Variants in DNM3 observed in about 807,000 individuals in gnomAD.
DNM3 encodes the protein dynamin 3, also known as dynamin-3.
In DNM3, 47 loss-of-function variants were observed where a neutral mutation model predicts 101.6. The observed-to-expected ratio is 0.46, with a 90% CI of 0.37 to 0.59. The LOEUF is 0.59. Ranked by LOEUF, DNM3 falls within the 20% of genes least tolerant of loss-of-function variation. The probability of loss-of-function intolerance (pLI) is 0.00; values close to 1 mark genes in which losing one functional copy is unlikely to be tolerated. For missense variants in DNM3, 849 were observed against 1,085.7 expected (o/e 0.78, Z 3.06); for synonymous variants, 385 against 387.9 (o/e 0.99, Z 0.09).
At chr1:172,400,560 C>T (rs1326397939) in intron 20 of DNM3, among the ~76,000 whole-genome samples, 1 of 152,160 alleles carries the variant, frequency 6.6e-6, no homozygotes, top group Non-Finnish European at 1.5e-5. Context: ...CTTTCTCACA[C>T]TGTATCCCTC....
chr1:172,056,257 G>T (rs181404299), intron 10 of DNM3, among the ~76,000 whole-genome samples: 33 of 152,332 alleles, frequency 2.2e-4, no homozygotes, highest in African/African-American at 7.7e-4. Context: ...GTGGCAGCGA[G>T]GCTGGGGGAG....
At chr1:172,314,994 T>C (rs2065259835) in intron 16 of DNM3, among the ~76,000 whole-genome samples, 1 of 151,968 alleles carries the variant, frequency 6.6e-6, no homozygotes, top group Non-Finnish European at 1.5e-5. Flanking sequence ...CACCCCCCAG[T>C]AGGGGCAGAC....
intron 14 of DNM3, among the ~76,000 whole-genome samples, chr1:172,247,185 A>G (rs928883339): frequency 3.9e-5 from 6 of 152,084 alleles, no homozygotes; most frequent in African/African-American, 1.4e-4. Context: ...TGGTCTACGC[A>G]CGTTTTTGGT....
chr1:172,412,811 T>C, downstream of DNM3: 1 of 908,964 alleles, frequency 1.1e-6, no homozygotes, highest in Non-Finnish European at 1.3e-6. Context: ...TTTGATTAAA[T>C]TGTCCCAGAG....
chr1:172,389,762 A>G (rs778736030), intron 20 of DNM3, among the ~76,000 whole-genome samples: 3 of 152,250 alleles, frequency 2.0e-5, no homozygotes, highest in Non-Finnish European at 2.9e-5. Context: ...CCATCCCTGA[A>G]GCCTGAGCCA....
At chr1:172,169,072 C>T (rs1034101999) in intron 14 of DNM3, among the ~76,000 whole-genome samples, 4 of 151,800 alleles carry the variant, frequency 2.6e-5, no homozygotes, top group Non-Finnish European at 2.9e-5. Flanking sequence ...TTCTTTTGAG[C>T]GCTCACCATA....
At chr1:171,975,758 A>C (rs1178317623) in intron 2 of DNM3, among the ~76,000 whole-genome samples, 1 of 152,226 alleles carries the variant, frequency 6.6e-6, no homozygotes, top group Non-Finnish European at 1.5e-5. Flanking sequence ...AAAAGAACCC[A>C]GAATAGCCAA....
intron 14 of DNM3, among the ~76,000 whole-genome samples, chr1:172,183,752 C>G (rs2059424049): frequency 6.7e-6 from 1 of 149,514 alleles, no homozygotes; most frequent in Admixed American, 6.7e-5. Flanking sequence ...AGGGTTGCAC[C>G]ACCATGCCCA....
At chr1:172,000,642 C>A (rs573068276) in intron 4 of DNM3, among the ~76,000 whole-genome samples, 1 of 152,198 alleles carries the variant, frequency 6.6e-6, no homozygotes, top group South Asian at 2.1e-4. Flanking sequence ...CACCTCCAAT[C>A]TTTGTATCAA....
At chr1:172,317,190 C>G (rs1210921772) in intron 16 of DNM3, among the ~76,000 whole-genome samples, 8 of 151,038 alleles carry the variant, frequency 5.3e-5, no homozygotes, top group South Asian at 2.1e-4. Flanking sequence ...TTGAAACCAA[C>G]GAGAACAAAG....
intron 13 of DNM3, among the ~76,000 whole-genome samples, chr1:172,108,580 A>C (rs1016891037): frequency 6.6e-6 from 1 of 152,220 alleles, no homozygotes; most frequent in African/African-American, 2.4e-5. Flanking sequence ...AAACATGTGG[A>C]GCATTCACTA....
chr1:171,870,868 A>G (rs2035213804), intron 1 of DNM3, among the ~76,000 whole-genome samples: 1 of 152,210 alleles, frequency 6.6e-6, no homozygotes, highest in Non-Finnish European at 1.5e-5. Flanking sequence ...TGAAAGAAGT[A>G]TCATTTGAGA....
downstream of DNM3, among the ~76,000 whole-genome samples, chr1:172,413,153 C>G (rs1225976170): frequency 6.6e-6 from 1 of 152,164 alleles, no homozygotes; most frequent in African/African-American, 2.4e-5. Flanking sequence ...AGCTCCTGAC[C>G]CAACAATTAG....
At chr1:172,388,328 T>A (rs965804923) in intron 19 of DNM3, among the ~76,000 whole-genome samples, 2 of 152,118 alleles carry the variant, frequency 1.3e-5, no homozygotes, top group African/African-American at 4.8e-5. Flanking sequence ...CTTATACAAA[T>A]GTAGAATACA....
At chr1:172,198,247 T>G (rs1250736173) in intron 14 of DNM3, among the ~76,000 whole-genome samples, 1 of 152,146 alleles carries the variant, frequency 6.6e-6, no homozygotes, top group Non-Finnish European at 1.5e-5. Context: ...GAACCTACCT[T>G]GCATCCCGAG....
At chr1:172,158,798 A>G (rs1459383663) in intron 14 of DNM3, among the ~76,000 whole-genome samples, 1 of 152,120 alleles carries the variant, frequency 6.6e-6, no homozygotes, top group Non-Finnish European at 1.5e-5. Flanking sequence ...TTGATACTTA[A>G]AAAAAGTGTT....
chr1:172,002,699 T>C (rs1219986873), intron 4 of DNM3, among the ~76,000 whole-genome samples: 1 of 152,070 alleles, frequency 6.6e-6, no homozygotes, highest in Non-Finnish European at 1.5e-5. Context: ...GATATGCTGA[T>C]TTAATTGGGA....
At chr1:172,289,661 G>C in intron 15 of DNM3, 6 of 983,990 alleles carry the variant, frequency 6.1e-6, no homozygotes, top group Non-Finnish European at 7.2e-6. Context: ...TCTATTTTTT[G>C]TTTCTTTTTA....
intron 13 of DNM3, among the ~76,000 whole-genome samples, chr1:172,127,339 T>C (rs962918129): frequency 6.6e-6 from 1 of 151,646 alleles, no homozygotes; most frequent in Admixed American, 6.6e-5. Flanking sequence ...ACTCCTATCT[T>C]TGTCCTTGTA....
Sources: allele counts gnomAD v4.1 joint callset (sites outside exome capture counted in the v4.1 genomes callset), GRCh38; gene constraint gnomAD v4.1.1; transcripts MANE v1.5; gene names NCBI Gene and HGNC (gene_info 2026-07-23, HGNC 2026-07-21).